CDH12: variants seen among roughly 807,000 people sequenced by gnomAD.
CDH12 encodes cadherin-12.
In CDH12, 41 loss-of-function variants were observed where a neutral mutation model predicts 74.1. The ratio of observed to expected loss-of-function variants is 0.55; its 90% CI spans 0.43 to 0.72. The LOEUF is 0.72. Ranked by LOEUF, CDH12 falls within the 30% of genes least tolerant of loss-of-function variation. The pLI is 0.00. For missense variants in CDH12, 945 were observed against 977.2 expected, an observed-to-expected ratio of 0.97 and a Z score of 0.44; for synonymous variants, 399 against 355.0, an observed-to-expected ratio of 1.12 and a Z score of -1.39.
intron 5 of CDH12, among the ~76,000 whole-genome samples, chr5:22,025,076 AACC>A (rs1461989518): frequency 1.3e-5 from 2 of 152,120 alleles, no homozygotes; most frequent in Non-Finnish European, 2.9e-5. Context: ...AACAAAATCA[AACC>A]ACCATCCCTG....
At chr5:22,839,072 T>A (rs1736970505) in intron 1 of CDH12, among the ~76,000 whole-genome samples, 1 of 152,168 alleles carries the variant, frequency 6.6e-6, no homozygotes, top group African/African-American at 2.4e-5. Flanking sequence ...CACGATTATG[T>A]CTACTCAATA....
chr5:22,601,859 T>C (rs766579373), intron 1 of CDH12, among the ~76,000 whole-genome samples: 2 of 151,970 alleles, frequency 1.3e-5, no homozygotes, highest in Non-Finnish European at 1.5e-5. Context: ...AGGAAGAAAC[T>C]GGATATACTA....
intron 4 of CDH12, among the ~76,000 whole-genome samples, chr5:22,116,963 CT>C (rs1310659164): frequency 4.0e-5 from 5 of 124,710 alleles, no homozygotes; most frequent in Non-Finnish European, 8.5e-5. Context: ...TTTTTTCCCT[CT>C]TTTTTCTTTT....
chr5:22,176,012 C>T (rs1014588171), intron 4 of CDH12, among the ~76,000 whole-genome samples: 42 of 152,326 alleles, frequency 2.8e-4, no homozygotes, highest in African/African-American at 1.0e-3. Context: ...GGAACCCTTT[C>T]TGTGCTGAAT....
chr5:22,093,379 T>C (rs1010665513), intron 4 of CDH12, among the ~76,000 whole-genome samples: 2 of 152,148 alleles, frequency 1.3e-5, no homozygotes, highest in African/African-American at 2.4e-5. Context: ...AGGGTACATA[T>C]AAAAAGTCTA....
At chr5:22,663,468 T>G (rs1337403469) in intron 1 of CDH12, among the ~76,000 whole-genome samples, 1 of 152,192 alleles carries the variant, frequency 6.6e-6, no homozygotes, top group East Asian at 1.9e-4. Context: ...TTCATATTGC[T>G]GAATATTGTT....
At chr5:22,093,854 C>T (rs112481669) in intron 4 of CDH12, among the ~76,000 whole-genome samples, 1,522 of 152,116 alleles carry the variant, frequency 0.01, 29 homozygotes, top group African/African-American at 0.035. Context: ...AATTAGTGGA[C>T]CTGAAATTGT....
intron 1 of CDH12, among the ~76,000 whole-genome samples, chr5:22,611,243 T>TA (rs1326212961): frequency 6.6e-6 from 1 of 152,110 alleles, no homozygotes; most frequent in Non-Finnish European, 1.5e-5. Flanking sequence ...TATACACACT[T>TA]AAACTTTCCC....
intron 1 of CDH12, among the ~76,000 whole-genome samples, chr5:22,624,732 T>C (rs1419241102): frequency 2.6e-5 from 4 of 152,190 alleles, no homozygotes; most frequent in Non-Finnish European, 5.9e-5. Context: ...CTAGTTCAAC[T>C]ATTGTGGAAG....
intron 4 of CDH12, among the ~76,000 whole-genome samples, chr5:22,134,843 T>C (rs1230396802): frequency 2.0e-5 from 3 of 150,460 alleles, no homozygotes; most frequent in Non-Finnish European, 4.4e-5. Context: ...TAACATTTCA[T>C]TATTAATTAC....
chr5:22,568,991 G>A (rs913740833), intron 1 of CDH12, among the ~76,000 whole-genome samples: 12 of 152,124 alleles, frequency 7.9e-5, no homozygotes, highest in African/African-American at 1.2e-4. Context: ...AAAGGTTGTC[G>A]CAGCTGTGAC....
At chr5:22,042,204 A>T (rs1431213460) in intron 5 of CDH12, among the ~76,000 whole-genome samples, 1 of 152,164 alleles carries the variant, frequency 6.6e-6, no homozygotes, top group East Asian at 1.9e-4. Flanking sequence ...TTAAAAAAAA[A>T]TTAGAAATAT....
chr5:22,239,455 TA>T (rs1752672888), intron 3 of CDH12, among the ~76,000 whole-genome samples: 1 of 152,126 alleles, frequency 6.6e-6, no homozygotes, highest in Admixed American at 6.5e-5. Context: ...GACTTGATGC[TA>T]AGCAGTATCT....
chr5:22,698,889 T>C (rs1742567468), intron 1 of CDH12, among the ~76,000 whole-genome samples: 2 of 151,462 alleles, frequency 1.3e-5, no homozygotes, highest in South Asian at 4.2e-4. Context: ...TTTCTCCGTA[T>C]ACAATTAGGT....
intron 1 of CDH12, among the ~76,000 whole-genome samples, chr5:22,787,833 C>T (rs868731576): frequency 2.6e-5 from 4 of 151,898 alleles, no homozygotes; most frequent in African/African-American, 7.3e-5. Context: ...TAGGCCAGTT[C>T]GAAACATGGC....
At chr5:21,829,092 T>A (rs539584507) in intron 8 of CDH12, among the ~76,000 whole-genome samples, 2 of 152,134 alleles carry the variant, frequency 1.3e-5, no homozygotes, top group African/African-American at 4.8e-5. Flanking sequence ...GTCAGGAGTC[T>A]GAGGCCAGCC....
chr5:22,656,501 C>A (rs371307193), intron 1 of CDH12, among the ~76,000 whole-genome samples: 1 of 152,048 alleles, frequency 6.6e-6, no homozygotes, highest in East Asian at 1.9e-4. Flanking sequence ...AGTGGAGATA[C>A]AAATTATTTA....
At chr5:22,387,005 A>G (rs550567658) in intron 3 of CDH12, among the ~76,000 whole-genome samples, 1 of 152,174 alleles carries the variant, frequency 6.6e-6, no homozygotes, top group South Asian at 2.1e-4. Context: ...AGTCAATACG[A>G]ATAGAATCAT....
At chr5:22,625,148 C>T (rs565681190) in intron 1 of CDH12, among the ~76,000 whole-genome samples, 8 of 152,014 alleles carry the variant, frequency 5.3e-5, no homozygotes, top group South Asian at 2.1e-4. Context: ...CATCACACAC[C>T]GGGGCCTGTC....
Sources: allele counts gnomAD v4.1 joint callset (sites outside exome capture counted in the v4.1 genomes callset), GRCh38; gene constraint gnomAD v4.1.1; transcripts MANE v1.5; gene names NCBI Gene and HGNC (gene_info 2026-07-23, HGNC 2026-07-21).